The following F10 variants were observed in gnomAD, a reference collection of about 807,000 sequenced individuals.
F10 encodes the protein Stuart-Prower factor.
In F10, 29 loss-of-function variants were observed where a neutral mutation model predicts 37.1. The ratio of observed to expected loss-of-function variants is 0.78; its 90% CI spans 0.58 to 1.07. The LOEUF (loss-of-function observed/expected upper bound fraction) is 1.07, where lower values mean the gene tolerates loss of function less well. Ranked by LOEUF, F10 falls within the 50% of genes least tolerant of loss-of-function variation. The pLI is 0.00. For synonymous variants in F10, 262 were observed against 268.6 expected (o/e 0.98, Z 0.24); for missense variants, 539 against 667.9 (o/e 0.81, Z 2.13).
chr13:113,124,300 G>A (rs1195665410), intron 1 of F10, among the ~76,000 whole-genome samples: 1 of 152,230 alleles, frequency 6.6e-6, no homozygotes, highest in East Asian at 1.9e-4. Flanking sequence ...AGGAAACTAG[G>A]GGAGTTATGC....
In F10 at chr13:113,129,617, G is replaced by A. The variant is rs764312347; in HGVS notation, c.231+5G>A. 1.2e-6 allele frequency: 2 copies of A among 1,614,084 alleles called. No individual in the cohort carries two copies. The highest frequency in any genetic ancestry group is 1.7e-6 in the Non-Finnish European group (2 of 1,180,000). ...TTTGAGGACAGCGACAAGACGGTAA[G>A]GGCTGGGGATAGCCTGGCTGTTGGT... On this transcript the variant is annotated splice_donor_5th_base_variant and intron_variant, in intron 2 of 7. Coordinates refer to ENST00000375559, the MANE Select transcript of F10 (RefSeq NM_000504.4).
rs1346463514 is a variant in F10 at position 113,140,991 on chromosome 13, T to G, written c.443T>G (p.Val148Gly). Residue 148 changes from valine to glycine, a missense_variant, in exon 5 of 8, where the codon GTG (valine) becomes GGG (glycine). By Grantham distance (109) the Val-to-Gly change is moderately radical. This residue lies in a region of F10 where 409 missense variants were observed against 547.9 expected (regional missense o/e 0.75). Transcript: ENST00000375559. ...QFCHEEQNSV[V>G]CSCARGYTLA... The stretch of plus-strand genomic sequence containing the variant: ...TGCCACGAGGAACAGAACTCTGTGG[T>G]GTGCTCCTGCGCCCGCGGGTACACC... The G allele has an allele frequency of 6.2e-7, 1 of 1,613,980 alleles. No individual in the cohort carries two copies. Among genetic ancestry groups the G allele is most frequent in the Non-Finnish European group, 8.5e-7 (1 of 1,180,042 alleles).
rs181090059 is a variant in F10, at chr13:113,145,714, T to C, written c.747+1619T>C. ...TGGAAGGCGCAAGGCACGTCTTACATGGCGGCAGCAAGACAGAGAATGAGA... is the reference window on the plus strand; with the variant it reads ...TGGAAGGCGCAAGGCACGTCTTACACGGCGGCAGCAAGACAGAGAATGAGA... On this transcript the variant is annotated intron_variant, in intron 6 of 7. Coordinates refer to ENST00000375559, the MANE Select transcript of F10 (RefSeq NM_000504.4). Among the ~76,000 whole-genome samples, 3 of 152,294 alleles carry C rather than the reference T, an allele frequency of 2.0e-5. No individual in the cohort carries two copies. The East Asian group carries it at 5.8e-4, about 29-fold the overall frequency.
chr13:113,130,548 G>A (rs2036423969), intron 2 of F10: 2 of 152,354 alleles, frequency 1.3e-5, no homozygotes, highest in East Asian at 1.9e-4. Flanking sequence ...TAGGCCAGCC[G>A]CGGCTGGTGC....
At chr13:113,129,833 CG>C (rs1469649696) in intron 2 of F10, among the ~76,000 whole-genome samples, 2 of 152,192 alleles carry the variant, frequency 1.3e-5, no homozygotes, top group Non-Finnish European at 2.9e-5. Flanking sequence ...GAGGACTCAG[CG>C]GGGAGGGATG....
At chr13:113,140,030 A>T (rs2036512501) in intron 4 of F10, among the ~76,000 whole-genome samples, 1 of 152,066 alleles carries the variant, frequency 6.6e-6, no homozygotes, top group African/African-American at 2.4e-5. Flanking sequence ...AATTTCCCTA[A>T]GGAAAAAGAT....
rs1027060853 is a variant in F10 at position 113,143,727 on chromosome 13, GC to G, written c.503-120del. ...TGGGGCCTCGCCCTGCAAGCCCGCT[GC>G]CCCTCCGGGTGCCCCTGCGCTCTGC... On this transcript the variant is annotated intron_variant, in intron 5 of 7. Coordinates refer to ENST00000375559, the MANE Select transcript of F10 (RefSeq NM_000504.4). The surrounding 1 kb of genome is among the most constrained non-coding windows in gnomAD (Gnocchi z 6.8). The G allele has an allele frequency of 2.6e-5, 37 of 1,402,792 alleles. No homozygotes were observed. The African/African-American group carries it at 4.9e-4, about 18-fold the overall frequency. The allele number at this position is 1,402,792 out of a possible 1,614,324, so 86.9% of individuals were successfully genotyped here.
intron 7 of F10, among the ~76,000 whole-genome samples, chr13:113,148,345 A>AAAAT (rs1300922846): frequency 8.4e-5 from 8 of 95,434 alleles, no homozygotes; most frequent in East Asian, 4.3e-4. Context: ...AAAAAAAAAA[A>AAAAT]ATATATATAT....
chr13:113,143,701 GTGGGGCCTCGCC>G lies in F10; in HGVS notation c.503-149_503-138del. 4.3e-6 allele frequency: 5 copies of G among 1,157,486 alleles called. No homozygotes were observed. Among genetic ancestry groups the G allele is most frequent in the Admixed American group, 2.4e-5 (1 of 41,150 alleles). The allele number at this position is 1,157,486 out of a possible 1,614,324, so 71.7% of individuals were successfully genotyped here. On this transcript the variant is annotated intron_variant, in intron 5 of 7. Transcript: ENST00000375559. This position sits in a 1 kb window ranked among gnomAD's most constrained non-coding sequence, Gnocchi z 6.8. The stretch of plus-strand genomic sequence containing the variant: ...TGCAGATCCGACCCCTGCCGACGAC[GTGGGGCCTCGCC>G]CTGCAAGCCCGCTGCCCCTCCGGGT...
chr13:113,126,931 G>A (rs955658250), intron 1 of F10, among the ~76,000 whole-genome samples: 6 of 152,216 alleles, frequency 3.9e-5, no homozygotes, highest in Non-Finnish European at 8.8e-5. Flanking sequence ...AGGGAGCCAC[G>A]TGTGGGCTGC....
In F10 at chr13:113,140,908, C is replaced by T. The variant is rs2036521290; in HGVS notation, c.371-11C>T. ...AGCTGTCCCCAGAGCCAACGTGCCT[C>T]TCCTTTGCAGTCACACGGAAGCTCT... On this transcript the variant is annotated splice_polypyrimidine_tract_variant and intron_variant, in intron 4 of 7. Coordinates refer to ENST00000375559, the MANE Select transcript of F10 (RefSeq NM_000504.4). The T allele has an allele frequency of 6.2e-7, 1 of 1,613,936 alleles. No individual in the cohort carries two copies. The highest frequency in any genetic ancestry group is 1.7e-5 in the Admixed American group (1 of 60,018).
chr13:113,128,265 T>C (rs2036389472), intron 1 of F10: 1 of 152,244 alleles, frequency 6.6e-6, no homozygotes, highest in East Asian at 1.9e-4. Flanking sequence ...CTTGATTTTA[T>C]GTATTTTAGG....
At chr13:113,133,256 TA>T (rs2036449852) in intron 2 of F10, among the ~76,000 whole-genome samples, 1 of 150,988 alleles carries the variant, frequency 6.6e-6, no homozygotes, top group Non-Finnish European at 1.5e-5. Context: ...AAAACAAAAA[TA>T]ATAGACAAAA....
chr13:113,127,212 T>G (rs1397577330), intron 1 of F10, among the ~76,000 whole-genome samples: 3 of 152,154 alleles, frequency 2.0e-5, no homozygotes, highest in African/African-American at 7.2e-5. Context: ...TAATAAATAA[T>G]AAGTGACTAA....
chr13:113,129,713 G>C, intron 2 of F10, 101 bp downstream of exon 2: 1 of 1,506,606 alleles, frequency 6.6e-7, no homozygotes, highest in Non-Finnish European at 9.2e-7. Flanking sequence ...CCTGGAGGAA[G>C]GGGCAGCGTG....
intron 2 of F10, among the ~76,000 whole-genome samples, chr13:113,136,526 C>T (rs1388806249): frequency 6.6e-6 from 1 of 151,218 alleles, no homozygotes; most frequent in Non-Finnish European, 1.5e-5. Flanking sequence ...GGCACAATCT[C>T]GGCTCACTAC....
chr13:113,134,910 T>C (rs2036464616), intron 2 of F10, among the ~76,000 whole-genome samples: 1 of 152,082 alleles, frequency 6.6e-6, no homozygotes, highest in African/African-American at 2.4e-5. Context: ...TAGAGACACA[T>C]ACAGTGTTCA....
In F10 at chr13:113,149,415, C is replaced by T; in HGVS notation, c.1365C>T (p.Val455=). The part of the protein sequence containing the change: ...RKGKYGIYTK[V]TAFLKWIDRS... ...GGAAGTACGGGATCTACACCAAGGT[C>T]ACCGCCTTCCTCAAGTGGATCGACA... The change falls in exon 8 of 8, where the codon GTC becomes GTT. Residue 455 remains valine, a synonymous_variant. Coordinates refer to ENST00000375559, the MANE Select transcript of F10 (RefSeq NM_000504.4). The surrounding 1 kb of genome is among the most constrained non-coding windows in gnomAD (Gnocchi z 7.5). 6.2e-7 allele frequency: 1 copy of T among 1,613,254 alleles called. No individual in the cohort carries two copies. Among genetic ancestry groups the T allele is most frequent in the South Asian group, 1.1e-5 (1 of 91,064 alleles).
At position 113,136,448 on chromosome 13, in the gene F10, C is replaced by CTT. The variant is rs148780771; in HGVS notation, c.232-1995_232-1994dup. ...CATAAATGTCTATAGCAACTCTAGT[C>CTT]TTTTTTTTTTTTTTTAATTTTTATT... On this transcript the variant is annotated intron_variant, in intron 2 of 7. Coordinates refer to ENST00000375559, the MANE Select transcript of F10 (RefSeq NM_000504.4). Among the ~76,000 whole-genome samples the CTT allele has an allele frequency of 3.9e-3, 559 of 144,504 alleles. 7 individuals are homozygous for CTT. The highest frequency in any genetic ancestry group is 0.012 in the African/African-American group (481 of 39,156). 94.8% of individuals were successfully genotyped at this position (144,504 alleles called of 152,430 possible).
Sources: gnomAD v4.1 joint callset for allele counts (sites outside exome capture counted in the v4.1 genomes callset) on GRCh38, gnomAD v4.1.1 for gene constraint, gnomAD v4.1.1 regional missense constraint, Gnocchi (gnomAD v3.1) non-coding constraint, MANE v1.5 for transcripts, NCBI Gene and HGNC (gene_info 2026-07-23, HGNC 2026-07-21) for gene names.